SMARCC1: variants seen among roughly 807,000 people sequenced by gnomAD.
SMARCC1 encodes the protein SWI/SNF complex subunit SMARCC1.
In SMARCC1, 43 loss-of-function variants were observed where a neutral mutation model predicts 147.4. That is an observed-to-expected ratio of 0.29 (90% confidence interval 0.23 to 0.38). The LOEUF is 0.38. Ranked by LOEUF, SMARCC1 falls within the 10% of genes least tolerant of loss-of-function variation. SMARCC1 has a pLI of 1.00. For missense variants in SMARCC1, 1,119 were observed against 1,381.1 expected (o/e 0.81, Z 3.01); for synonymous variants, 495 against 484.4 (o/e 1.02, Z -0.29).
chr3:47,637,021 G>T (rs144694242), intron 22 of SMARCC1, among the ~76,000 whole-genome samples: 4 of 151,992 alleles, frequency 2.6e-5, no homozygotes, highest in Admixed American at 2.0e-4. Flanking sequence ...TGAAAAAACC[G>T]CAACTGACTA....
At chr3:47,702,889 G>T (rs1252146156) in intron 10 of SMARCC1, among the ~76,000 whole-genome samples, 1 of 151,684 alleles carries the variant, frequency 6.6e-6, no homozygotes, top group Non-Finnish European at 1.5e-5. Context: ...AGAGCCACTG[G>T]CTCCTGGCCC....
intron 14 of SMARCC1, among the ~76,000 whole-genome samples, chr3:47,680,879 A>C (rs1411367685): frequency 6.6e-6 from 1 of 152,102 alleles, no homozygotes; most frequent in Admixed American, 6.6e-5. Context: ...AAAATCATTA[A>C]ATATTCTAAG....
intron 19 of SMARCC1, among the ~76,000 whole-genome samples, chr3:47,663,212 G>GGGGA (rs2033374168): frequency 4.0e-5 from 1 of 24,988 alleles, no homozygotes. Context: ...GAGGGGAGGG[G>GGGGA]AGGAAGGAAG....
intron 19 of SMARCC1, among the ~76,000 whole-genome samples, chr3:47,669,460 TTTAA>T (rs557319962): frequency 2.6e-5 from 4 of 152,210 alleles, no homozygotes; most frequent in Non-Finnish European, 5.9e-5. Flanking sequence ...CACGGTTCAT[TTTAA>T]TTAATATTAA....
At chr3:47,623,176 TA>T (rs35509187) in intron 24 of SMARCC1, among the ~76,000 whole-genome samples, 62,180 of 100,006 alleles carry the variant, frequency 0.62, 18,681 homozygotes, top group East Asian at 0.72. Context: ...GGGTTCTTCA[TA>T]AAAAAAAAAA....
intron 18 of SMARCC1, among the ~76,000 whole-genome samples, chr3:47,670,994 G>A (rs1395789683): frequency 6.6e-6 from 1 of 151,534 alleles, no homozygotes; most frequent in African/African-American, 2.4e-5. Flanking sequence ...AGACAAGCCT[G>A]GCCAACACGG....
chr3:47,737,157 C>A (rs996782472), intron 4 of SMARCC1, among the ~76,000 whole-genome samples: 1 of 152,122 alleles, frequency 6.6e-6, no homozygotes, highest in Non-Finnish European at 1.5e-5. Flanking sequence ...CTTTGGGAGG[C>A]CAAGCAAGCA....
At chr3:47,760,759 A>G (rs1217127743) in intron 2 of SMARCC1, among the ~76,000 whole-genome samples, 1 of 152,216 alleles carries the variant, frequency 6.6e-6, no homozygotes, top group Admixed American at 6.6e-5. Flanking sequence ...TGGAAGGCCA[A>G]GGCAGAAGGA....
intron 1 of SMARCC1, among the ~76,000 whole-genome samples, chr3:47,774,908 T>G (rs1413343236): frequency 6.6e-6 from 1 of 151,928 alleles, no homozygotes; most frequent in Non-Finnish European, 1.5e-5. Flanking sequence ...TGGGCTCAAG[T>G]GATCCTCCTC....
intron 11 of SMARCC1, among the ~76,000 whole-genome samples, chr3:47,696,915 C>A (rs1197809176): frequency 6.6e-6 from 1 of 152,174 alleles, no homozygotes; most frequent in Non-Finnish European, 1.5e-5. Context: ...GGCTGCAGTG[C>A]AGTGATGCAA....
At position 47,769,213 on chromosome 3, in the gene SMARCC1, A is replaced by C. The variant is rs1454474430; in HGVS notation, c.315+3604T>G. The stretch of plus-strand genomic sequence containing the variant: ...ATGACAGAGCGAGACTCCGTCTCAA[A>C]AAAAAAAAAAAAAAAAAAAAGGGCC... On this transcript the variant is annotated intron_variant, in intron 2 of 27. Transcript: ENST00000254480. Among the ~76,000 whole-genome samples the C allele has an allele frequency of 2.2e-3, 328 of 145,884 alleles. 4 individuals carry two copies. Among genetic ancestry groups the C allele is most frequent in the Non-Finnish European group, 4.2e-3 (274 of 64,954 alleles).
chr3:47,713,311 C>A, intron 8 of SMARCC1, among the ~76,000 whole-genome samples: 1 of 137,638 alleles, frequency 7.3e-6, no homozygotes, highest in African/African-American at 2.9e-5. Context: ...GAGCCAGACT[C>A]CGTCTCAAAA....
intron 7 of SMARCC1, among the ~76,000 whole-genome samples, chr3:47,719,424 G>T (rs2034203105): frequency 3.3e-5 from 5 of 151,986 alleles, no homozygotes; most frequent in Admixed American, 3.3e-4. Flanking sequence ...GATCAGGCTG[G>T]ACGCGGTGGC....
chr3:47,663,060 G>A (rs1266829289), intron 19 of SMARCC1, among the ~76,000 whole-genome samples: 1 of 140,752 alleles, frequency 7.1e-6, no homozygotes, highest in Non-Finnish European at 1.5e-5. Flanking sequence ...TAGGCGGCAA[G>A]AGTGATAGAA....
chr3:47,779,882 G>A (rs1227820187), intron 1 of SMARCC1, among the ~76,000 whole-genome samples: 1 of 152,146 alleles, frequency 6.6e-6, no homozygotes, highest in Non-Finnish European at 1.5e-5. Flanking sequence ...TAATAAAGAA[G>A]AATTAACCAA....
chr3:47,753,712 C>CAACAAA, intron 2 of SMARCC1, among the ~76,000 whole-genome samples: 1 of 69,626 alleles, frequency 1.4e-5, no homozygotes, highest in East Asian at 4.6e-4. Context: ...AACTCCATCT[C>CAACAAA]AAAAAAAAAA....
At chr3:47,698,238 G>A (rs1020029263) in intron 11 of SMARCC1, among the ~76,000 whole-genome samples, 7 of 151,818 alleles carry the variant, frequency 4.6e-5, no homozygotes, top group Admixed American at 2.0e-4. Flanking sequence ...TACATCAGTG[G>A]ATACTGAAGA....
At chr3:47,636,335 T>A (rs930067089) in intron 22 of SMARCC1, among the ~76,000 whole-genome samples, 199 bp from the exon 23 acceptor site, 1 of 152,212 alleles carries the variant, frequency 6.6e-6, no homozygotes, top group East Asian at 1.9e-4. Flanking sequence ...AACACTTGAG[T>A]GCTCACAAGA....
intron 26 of SMARCC1, among the ~76,000 whole-genome samples, chr3:47,599,195 T>C (rs2032347041): frequency 6.6e-6 from 1 of 152,200 alleles, no homozygotes; most frequent in African/African-American, 2.4e-5. Flanking sequence ...GAGACCAGCC[T>C]AGCCAACATG....
Sources: allele counts gnomAD v4.1 joint callset (sites outside exome capture counted in the v4.1 genomes callset), GRCh38; gene constraint gnomAD v4.1.1; transcripts MANE v1.5; gene names NCBI Gene and HGNC (gene_info 2026-07-23, HGNC 2026-07-21).